ATP8A1: variants seen among roughly 807,000 people sequenced by gnomAD.
ATP8A1 encodes the protein phospholipid-transporting ATPase IA.
In ATP8A1, 90 loss-of-function variants were observed where a neutral mutation model predicts 177.7. The observed-to-expected ratio is 0.51, with a 90% confidence interval of 0.43 to 0.60. The LOEUF (loss-of-function observed/expected upper bound fraction) is 0.60, where lower values mean the gene tolerates loss of function less well. ATP8A1 is among the 20% of genes least tolerant of loss of function. ATP8A1 has a pLI of 0.00. For missense variants in ATP8A1, 1,072 were observed against 1,392.8 expected (o/e 0.77, Z 3.67); for synonymous variants, 493 against 485.9 (o/e 1.01, Z -0.19).
intron 18 of ATP8A1, among the ~76,000 whole-genome samples, chr4:42,550,031 T>C (rs1438078505): frequency 1.3e-5 from 2 of 152,268 alleles, no homozygotes; most frequent in East Asian, 1.9e-4. Flanking sequence ...CCAATCAAGA[T>C]ATAAAATATT....
intron 23 of ATP8A1, among the ~76,000 whole-genome samples, chr4:42,506,162 T>TC (rs1406673248): frequency 2.0e-5 from 3 of 152,122 alleles, no homozygotes; most frequent in African/African-American, 7.2e-5. Flanking sequence ...ATGTTTGTGT[T>TC]CCCCCCAAAT....
At chr4:42,554,995 T>C (rs1729910054) in intron 16 of ATP8A1, among the ~76,000 whole-genome samples, 1 of 152,186 alleles carries the variant, frequency 6.6e-6, no homozygotes, top group African/African-American at 2.4e-5. Context: ...GCTTTGGGAC[T>C]TGGACTGGCT....
rs775053608 is a variant in ATP8A1 at position 42,412,407 on chromosome 4, T to G, written c.*509A>C. The G allele has an allele frequency of 2.0e-5, 3 of 152,222 alleles. No homozygotes were observed. The highest frequency in any genetic ancestry group is 4.4e-5 in the Non-Finnish European group (3 of 68,064). 9.4% of individuals were successfully genotyped at this position (152,222 alleles called of 1,614,324 possible). A position where few individuals can be genotyped will look rare whatever the true frequency, so the allele number is the denominator to read the frequency against. On this transcript the variant is annotated 3_prime_UTR_variant, in exon 37 of 37. Transcript: ENST00000381668. ...CTTTGGCAAACATTTATCAAGACAA[T>G]TTTGGACACAAATGCTTGTTTAGAA...
At chr4:42,455,909 T>C (rs1348840429) in intron 27 of ATP8A1, among the ~76,000 whole-genome samples, 1 of 152,178 alleles carries the variant, frequency 6.6e-6, no homozygotes, top group Non-Finnish European at 1.5e-5. Flanking sequence ...TATATTTATA[T>C]GCCATTAAAT....
At chr4:42,561,580 C>T (rs1285496739) in intron 15 of ATP8A1, 3 of 152,344 alleles carry the variant, frequency 2.0e-5, no homozygotes, top group South Asian at 4.1e-4. Flanking sequence ...GAATTATCTG[C>T]CCACTCCAAT....
At chr4:42,420,769 T>TC (rs2031940697) in intron 35 of ATP8A1, among the ~76,000 whole-genome samples, 1 of 56,824 alleles carries the variant, frequency 1.8e-5, no homozygotes, top group South Asian at 9.7e-4. Context: ...GAGCTAGAAC[T>TC]CTTTTTTTTT....
intron 15 of ATP8A1, among the ~76,000 whole-genome samples, chr4:42,558,348 T>C (rs1170663851): frequency 1.3e-5 from 2 of 152,212 alleles, no homozygotes; most frequent in Non-Finnish European, 2.9e-5. Context: ...GAGTGTCACT[T>C]TGCTCCCAAG....
At chr4:42,496,266 G>C (rs375970801) in intron 24 of ATP8A1, among the ~76,000 whole-genome samples, 1 of 152,048 alleles carries the variant, frequency 6.6e-6, no homozygotes, top group Non-Finnish European at 1.5e-5. Context: ...AGGAAGAGTG[G>C]GATAAGGGAT....
intron 1 of ATP8A1, among the ~76,000 whole-genome samples, chr4:42,645,134 C>T (rs1037289547): frequency 6.6e-6 from 1 of 152,092 alleles, no homozygotes; most frequent in Non-Finnish European, 1.5e-5. Context: ...ATGTGTTGTA[C>T]TCTTCACTTA....
At chr4:42,539,985 C>G (rs754202778) in intron 20 of ATP8A1, among the ~76,000 whole-genome samples, 7 of 151,980 alleles carry the variant, frequency 4.6e-5, no homozygotes, top group Non-Finnish European at 7.4e-5. Context: ...GCAAAAGAAA[C>G]AATCAACAGA....
intron 5 of ATP8A1, among the ~76,000 whole-genome samples, chr4:42,615,613 T>C (rs570305950): frequency 5.3e-5 from 8 of 152,354 alleles, no homozygotes; most frequent in African/African-American, 1.9e-4. Context: ...CTGGAGTGTC[T>C]GTCATCTGCA....
At chr4:42,475,182 T>TTTGGAACAAGGTCTCACTCTG (rs1720910187) in intron 25 of ATP8A1, among the ~76,000 whole-genome samples, 1 of 152,158 alleles carries the variant, frequency 6.6e-6, no homozygotes. Context: ...TCTTTTATTT[T>TTTGGAACAAGGTCTCACTCTG]TTGGAACAAG....
chr4:42,543,965 CA>C lies in ATP8A1; in HGVS notation c.1673del (p.Val558GlyfsTer20). 6.2e-7 allele frequency: 1 copy of C among 1,613,306 alleles called. No individual in the cohort carries two copies. Among genetic ancestry groups the C allele is most frequent in the Non-Finnish European group, 8.5e-7 (1 of 1,179,630 alleles). On this transcript the variant is annotated frameshift_variant, in exon 20 of 37. Coordinates refer to ENST00000381668, the MANE Select transcript of ATP8A1 (RefSeq NM_006095.2). LOFTEE classifies it high-confidence loss of function. ...ACTTTCCAGATGGAGTGCGAACAAT[CA>C]CTGACATTCTTTTCCTAGCACTGAA... ...EFTSARKRMS[V>X]IVRTPSGKLR...
intron 33 of ATP8A1, 131 bp from the exon 34 acceptor site, chr4:42,423,836 C>A: frequency 2.1e-6 from 1 of 487,264 alleles, no homozygotes; most frequent in Non-Finnish European, 3.7e-6. Flanking sequence ...ACTCTGAATT[C>A]GAACTTATGA....
At chr4:42,579,755 T>C (rs1384565243) in intron 11 of ATP8A1, 58 bp downstream of exon 11, 16 of 1,401,876 alleles carry the variant, frequency 1.1e-5, no homozygotes, top group African/African-American at 1.5e-5. Flanking sequence ...TCAAGATCAA[T>C]TGTGAAACAA....
At chr4:42,602,646 G>A (rs1354041848) in intron 5 of ATP8A1, among the ~76,000 whole-genome samples, 9 of 152,088 alleles carry the variant, frequency 5.9e-5, no homozygotes, top group South Asian at 2.1e-4. Flanking sequence ...GCGCACACCC[G>A]TAGTCCCAGC....
At chr4:42,461,249 T>C (rs1719104055) in intron 27 of ATP8A1, among the ~76,000 whole-genome samples, 2 of 21,552 alleles carry the variant, frequency 9.3e-5, no homozygotes, top group African/African-American at 1.8e-4. Flanking sequence ...TTTTTCTTTC[T>C]TTTTTTTTTT....
In ATP8A1 at chr4:42,588,040, C is replaced by A. The variant is rs989024620; in HGVS notation, c.594+220G>T. 3.3e-5 allele frequency among the ~76,000 whole-genome samples: 5 copies of A among 152,162 alleles called. 1 individual carries two copies. In the South Asian group the frequency reaches 1.0e-3, roughly 32 times the overall value. ...AGCTATTACATAATTAAAAATATTA[C>A]AAATATATCTATAAGATAGATCATA... On this transcript the variant is annotated intron_variant, in intron 8 of 36. Coordinates refer to ENST00000381668, the MANE Select transcript of ATP8A1 (RefSeq NM_006095.2).
At chr4:42,594,414 A>C (rs527341684) in intron 6 of ATP8A1, 5 of 1,008,046 alleles carry the variant, frequency 5.0e-6, no homozygotes. Context: ...GATAGTTACA[A>C]ATATACAACC....
Sources: gnomAD v4.1 joint callset for allele counts (sites outside exome capture counted in the v4.1 genomes callset) on GRCh38, gnomAD v4.1.1 for gene constraint, MANE v1.5 for transcripts, NCBI Gene and HGNC (gene_info 2026-07-23, HGNC 2026-07-21) for gene names.